The following IKZF2 variants were observed in gnomAD, a reference collection of about 807,000 sequenced individuals.
IKZF2 encodes IKAROS family zinc finger 2.
A neutral mutation model predicts 49.2 loss-of-function variants in IKZF2; 15 were observed. The observed-to-expected ratio is 0.30, with a 90% CI of 0.20 to 0.47. The LOEUF is 0.47. IKZF2 is among the 20% of genes least tolerant of loss of function. The pLI is 1.00. For synonymous variants in IKZF2, 227 were observed against 221.4 expected, an observed-to-expected ratio of 1.03 and a Z score of -0.23; for missense variants, 567 against 664.6, an observed-to-expected ratio of 0.85 and a Z score of 1.61.
rs1444828769 is a variant in IKZF2, at chr2:213,065,968, CT to C, written c.140-8870del. ...TAAAGAGAAAGTTGTCTGAGTAAGC[CT>C]GTTTTGGAAGAAGACCAGCTTACAC... On this transcript the variant is annotated intron_variant, in intron 4 of 8. Coordinates refer to ENST00000434687, the MANE Select transcript of IKZF2 (RefSeq NM_001387220.1). Among the ~76,000 whole-genome samples the C allele has an allele frequency of 5.9e-5, 9 of 152,140 alleles. No homozygotes were observed. In the East Asian group the frequency reaches 1.7e-3, roughly 29 times the overall value.
At chr2:213,103,795 T>C (rs962636251) in intron 4 of IKZF2, among the ~76,000 whole-genome samples, 2 of 37,494 alleles carry the variant, frequency 5.3e-5, no homozygotes, top group African/African-American at 1.4e-4. Context: ...AGAACAACTG[T>C]TACAGAAATA....
At chr2:213,032,518 A>C (rs1427627804) in intron 6 of IKZF2, among the ~76,000 whole-genome samples, 1 of 152,130 alleles carries the variant, frequency 6.6e-6, no homozygotes, top group Non-Finnish European at 1.5e-5. Context: ...AGGATCACTA[A>C]AGCCCAGGAG....
At chr2:213,078,480 T>C (rs1453972981) in intron 4 of IKZF2, among the ~76,000 whole-genome samples, 1 of 152,196 alleles carries the variant, frequency 6.6e-6, no homozygotes, top group Non-Finnish European at 1.5e-5. Context: ...TCTCAATAGA[T>C]CTTCACACTA....
At chr2:213,078,358 C>A (rs1703515444) in intron 4 of IKZF2, among the ~76,000 whole-genome samples, 1 of 152,102 alleles carries the variant, frequency 6.6e-6, no homozygotes, top group Non-Finnish European at 1.5e-5. Context: ...TTTCCAGAAA[C>A]AAAATCAGTA....
chr2:213,144,549 C>T (rs985249050), intron 4 of IKZF2, among the ~76,000 whole-genome samples: 2 of 151,782 alleles, frequency 1.3e-5, no homozygotes, highest in Non-Finnish European at 3.0e-5. Context: ...GGCCGAAATA[C>T]AATATGGATT....
At position 213,072,342 on chromosome 2, in the gene IKZF2, T is replaced by C. The variant is rs995662246; in HGVS notation, c.140-15243A>G. ...GACTGATGATCTCCCTAAATGTTAC[T>C]AGTCAGCTAATTCTTTTCTTTAAAA... is the stretch of plus-strand genomic sequence containing the variant. On this transcript the variant is annotated intron_variant, in intron 4 of 8. Coordinates refer to ENST00000434687, the MANE Select transcript of IKZF2 (RefSeq NM_001387220.1). Among the ~76,000 whole-genome samples, 6 of 151,812 alleles carry C rather than the reference T, an allele frequency of 4.0e-5. No homozygotes were observed. The East Asian group carries it at 1.2e-3, about 29-fold the overall frequency.
At chr2:213,120,791 A>C (rs2060028208) in intron 4 of IKZF2, among the ~76,000 whole-genome samples, 2 of 152,278 alleles carry the variant, frequency 1.3e-5, no homozygotes, top group African/African-American at 4.8e-5. Flanking sequence ...CCCAGGCTGG[A>C]GTGCAGTTGC....
chr2:213,033,686 T>A (rs1037983708), intron 6 of IKZF2, among the ~76,000 whole-genome samples: 2 of 152,148 alleles, frequency 1.3e-5, no homozygotes, highest in Non-Finnish European at 2.9e-5. Context: ...TAAACCATAT[T>A]GTAAACAAAT....
chr2:213,136,806 G>A (rs1012177037), intron 4 of IKZF2, among the ~76,000 whole-genome samples: 8 of 152,064 alleles, frequency 5.3e-5, no homozygotes, highest in Non-Finnish European at 1.0e-4. Context: ...AAGTTTTGAC[G>A]TTTCCTTCTT....
intron 6 of IKZF2, among the ~76,000 whole-genome samples, chr2:213,033,168 G>A (rs1002599266): frequency 6.6e-6 from 1 of 152,090 alleles, no homozygotes; most frequent in Non-Finnish European, 1.5e-5. Context: ...ATTTTATAAC[G>A]AGACTGCAGT....
At chr2:213,112,978 T>TA (rs541801744) in intron 4 of IKZF2, among the ~76,000 whole-genome samples, 31 of 152,158 alleles carry the variant, frequency 2.0e-4, no homozygotes, top group Admixed American at 1.8e-3. Flanking sequence ...CTACAGTTGC[T>TA]AAAAAAAGCA....
chr2:213,044,405 A>G (rs1172342942), intron 6 of IKZF2, among the ~76,000 whole-genome samples: 2 of 152,182 alleles, frequency 1.3e-5, no homozygotes, highest in African/African-American at 4.8e-5. Context: ...ACTGATAAAG[A>G]GTTACTGATA....
chr2:213,080,839 G>GA (rs369770048), intron 4 of IKZF2, among the ~76,000 whole-genome samples: 5,468 of 150,570 alleles, frequency 0.036, 348 homozygotes, highest in African/African-American at 0.13. Context: ...CATATGGAAG[G>GA]AAAAAAAAAG....
intron 4 of IKZF2, among the ~76,000 whole-genome samples, chr2:213,114,170 A>T (rs979266437): frequency 6.6e-6 from 1 of 152,138 alleles, no homozygotes; most frequent in Non-Finnish European, 1.5e-5. Flanking sequence ...CTGAAAAAAA[A>T]TTTTCTTCCT....
chr2:213,138,544 A>C (rs1239981534), intron 4 of IKZF2, among the ~76,000 whole-genome samples: 2 of 152,012 alleles, frequency 1.3e-5, no homozygotes, highest in Non-Finnish European at 2.9e-5. Context: ...TGCTAATCTT[A>C]AGTATTTTCT....
At chr2:213,147,350 T>C in intron 4 of IKZF2, 1 of 445,904 alleles carries the variant, frequency 2.2e-6, no homozygotes, top group Non-Finnish European at 4.0e-6. Context: ...TATTTCATTT[T>C]TTAACTGTGA....
chr2:213,087,951 T>C (rs149302598), intron 4 of IKZF2, among the ~76,000 whole-genome samples: 1,730 of 152,308 alleles, frequency 0.011, 33 homozygotes, highest in African/African-American at 0.039. Flanking sequence ...TTGTGAATAG[T>C]GCCTCAATAA....
intron 4 of IKZF2, among the ~76,000 whole-genome samples, chr2:213,058,972 G>C (rs1309745618): frequency 6.6e-6 from 1 of 151,650 alleles, no homozygotes; most frequent in Admixed American, 6.6e-5. Context: ...AGCATCATTT[G>C]TTCATCCAGT....
At chr2:213,130,308 C>A (rs1161087614) in intron 4 of IKZF2, among the ~76,000 whole-genome samples, 1 of 152,140 alleles carries the variant, frequency 6.6e-6, no homozygotes, top group Admixed American at 6.5e-5. Flanking sequence ...AGTCAAAATA[C>A]CAAAGCATGA....
Sources: allele counts gnomAD v4.1 joint callset (sites outside exome capture counted in the v4.1 genomes callset), GRCh38; gene constraint gnomAD v4.1.1; transcripts MANE v1.5; gene names NCBI Gene and HGNC (gene_info 2026-07-23, HGNC 2026-07-21).